ZNF423: variants seen among roughly 807,000 people sequenced by gnomAD.
ZNF423 encodes the protein Ebf-associated zinc finger protein.
A neutral mutation model predicts 95.8 loss-of-function variants in ZNF423; 12 were observed. The ratio of observed to expected loss-of-function variants is 0.13; its 90% CI spans 0.08 to 0.20. The LOEUF (loss-of-function observed/expected upper bound fraction) is 0.20, where lower values mean the gene tolerates loss of function less well. Ranked by LOEUF, ZNF423 falls within the 10% of genes least tolerant of loss-of-function variation. The pLI is 1.00. For synonymous variants in ZNF423, 749 were observed against 711.9 expected, an observed-to-expected ratio of 1.05 and a Z score of -0.83; for missense variants, 1,316 against 1,737.1, an observed-to-expected ratio of 0.76 and a Z score of 4.31.
intron 5 of ZNF423, among the ~76,000 whole-genome samples, chr16:49,616,278 T>A (rs142580800): frequency 1.3e-5 from 2 of 152,192 alleles, no homozygotes; most frequent in East Asian, 3.9e-4. Flanking sequence ...TTAAAACAAC[T>A]GAACTCATGG....
At position 49,853,539 on chromosome 16, in the gene ZNF423, C is replaced by G. The variant is rs151208615; in HGVS notation, c.40+2196G>C. On this transcript the variant is annotated intron_variant, in intron 1 of 7. Transcript: ENST00000563137. ...CTCTGACTCTGCGGACAGAAAGGCT[C>G]TGTGTGGCTGATATTTACAACACCG... 1.3e-3 allele frequency: 958 copies of G among 734,390 alleles called. 8 individuals are homozygous for G. In the African/African-American group the frequency reaches 0.017, roughly 13 times the overall value. 45.5% of individuals were successfully genotyped at this position (734,390 alleles called of 1,614,324 possible). A position where few individuals can be genotyped will look rare whatever the true frequency, so the allele number is the denominator to read the frequency against.
At chr16:49,734,303 C>A (rs1212584735) in intron 2 of ZNF423, among the ~76,000 whole-genome samples, 1 of 152,250 alleles carries the variant, frequency 6.6e-6, no homozygotes, top group African/African-American at 2.4e-5. Context: ...TGTCCTGAGT[C>A]TGGACATCAC....
chr16:49,516,683 C>T (rs1968158303), intron 7 of ZNF423, among the ~76,000 whole-genome samples: 2 of 152,246 alleles, frequency 1.3e-5, no homozygotes, highest in African/African-American at 4.8e-5. Context: ...AGTTTTCCCG[C>T]ATACTGCAAA....
At chr16:49,538,101 A>G (rs1313308333) in intron 5 of ZNF423, among the ~76,000 whole-genome samples, 1 of 152,196 alleles carries the variant, frequency 6.6e-6, no homozygotes, top group Non-Finnish European at 1.5e-5. Flanking sequence ...GAGCTTACTG[A>G]CAGCTCCTGA....
intron 3 of ZNF423, among the ~76,000 whole-genome samples, chr16:49,721,568 C>T (rs1252317131): frequency 2.0e-5 from 3 of 152,126 alleles, no homozygotes; most frequent in Non-Finnish European, 2.9e-5. Context: ...CAGCCCACCT[C>T]GCTCCCCAAG....
At chr16:49,699,861 CT>C (rs2032108781) in intron 3 of ZNF423, among the ~76,000 whole-genome samples, 1 of 152,152 alleles carries the variant, frequency 6.6e-6, no homozygotes, top group Non-Finnish European at 1.5e-5. Flanking sequence ...CCCACTGACC[CT>C]GAGGCCAAGT....
chr16:49,732,767 T>C (rs745358155), intron 2 of ZNF423, among the ~76,000 whole-genome samples: 1 of 152,228 alleles, frequency 6.6e-6, no homozygotes, highest in African/African-American at 2.4e-5. Flanking sequence ...CTATTTCTCC[T>C]GTCTGCACAG....
chr16:49,523,266 C>T (rs980157742), intron 7 of ZNF423, among the ~76,000 whole-genome samples: 3 of 152,214 alleles, frequency 2.0e-5, no homozygotes, highest in African/African-American at 7.2e-5. Context: ...AGGACCCAGC[C>T]ACAAAGACAT....
At chr16:49,849,769 T>C (rs750404117) in intron 1 of ZNF423, among the ~76,000 whole-genome samples, 10 of 152,190 alleles carry the variant, frequency 6.6e-5, no homozygotes, top group Non-Finnish European at 1.0e-4. Flanking sequence ...ATGAAAGACA[T>C]TGTTACCTCC....
chr16:49,499,660 C>T (rs1379386272), intron 7 of ZNF423, among the ~76,000 whole-genome samples: 1 of 152,140 alleles, frequency 6.6e-6, no homozygotes, highest in Admixed American at 6.5e-5. Context: ...TTCCGTGAAC[C>T]CCCTCTTGCC....
At chr16:49,729,175 A>G (rs1262009453) in intron 3 of ZNF423, among the ~76,000 whole-genome samples, 1 of 152,222 alleles carries the variant, frequency 6.6e-6, no homozygotes, top group Non-Finnish European at 1.5e-5. Context: ...TGCTCTAACA[A>G]CTACACAGAA....
chr16:49,612,492 A>C (rs1310223285), intron 5 of ZNF423, among the ~76,000 whole-genome samples: 1 of 152,056 alleles, frequency 6.6e-6, no homozygotes, highest in Admixed American at 6.6e-5. Context: ...CAAACAAACA[A>C]ACAAAAAATG....
At chr16:49,679,833 A>G (rs1290011624) in intron 3 of ZNF423, among the ~76,000 whole-genome samples, 1 of 152,228 alleles carries the variant, frequency 6.6e-6, no homozygotes, top group East Asian at 1.9e-4. Context: ...GCCCAGAGTG[A>G]GAACTTATGG....
intron 5 of ZNF423, among the ~76,000 whole-genome samples, chr16:49,614,438 A>C (rs571001460): frequency 3.6e-4 from 54 of 152,110 alleles, no homozygotes; most frequent in African/African-American, 1.3e-3. Context: ...TAGCAATTGC[A>C]CTCTTGGGAA....
At chr16:49,836,033 G>A (rs369472136) in intron 1 of ZNF423, among the ~76,000 whole-genome samples, 16 of 152,210 alleles carry the variant, frequency 1.1e-4, no homozygotes, top group Admixed American at 6.5e-4. Context: ...CACCTACCCC[G>A]ACAACCACAG....
intron 3 of ZNF423, among the ~76,000 whole-genome samples, chr16:49,661,807 G>A (rs2030244805): frequency 6.6e-6 from 1 of 152,190 alleles, no homozygotes; most frequent in Non-Finnish European, 1.5e-5. Flanking sequence ...TGGAGCCAGA[G>A]AGCCTCCGTT....
At chr16:49,824,196 A>G (rs2034980596) in intron 1 of ZNF423, among the ~76,000 whole-genome samples, 1 of 152,086 alleles carries the variant, frequency 6.6e-6, no homozygotes, top group Non-Finnish European at 1.5e-5. Flanking sequence ...CTTCTAAGCT[A>G]CCCAAGAGAC....
intron 5 of ZNF423, among the ~76,000 whole-genome samples, chr16:49,600,629 G>A (rs949706768): frequency 1.1e-4 from 16 of 152,216 alleles, no homozygotes; most frequent in South Asian, 2.1e-4. Context: ...GGAACCATGC[G>A]CCATGGCCTC....
Position 49,637,061 on chromosome 16 carries a change from G to A in ZNF423, c.2115C>T (p.Cys705=), listed in dbSNP as rs141743740. 203 of 1,613,802 alleles carry A rather than the reference G, an allele frequency of 1.3e-4. 1 individual carries two copies. Among genetic ancestry groups the A allele is most frequent in the South Asian group, 7.0e-4 (64 of 91,072 alleles). ...CATCCACCGAGGAAAATTGCTTGTC[G>A]CAGCTCTCGCACACATAGTGGGTCG... is the stretch of plus-strand genomic sequence containing the variant. ...TTSTHYVCES[C]DKQFSSVDDL... Residue 705 remains cysteine (C), a synonymous_variant, in exon 4 of 8, where the codon TGC becomes TGT. Coordinates refer to ENST00000563137, the MANE Select transcript of ZNF423 (RefSeq NM_001379286.1). The surrounding 1 kb of genome is among the most constrained non-coding windows in gnomAD (Gnocchi z 5.6).
Sources: gnomAD v4.1 joint callset for allele counts (sites outside exome capture counted in the v4.1 genomes callset) on GRCh38, gnomAD v4.1.1 for gene constraint, Gnocchi (gnomAD v3.1) non-coding constraint, MANE v1.5 for transcripts, NCBI Gene and HGNC (gene_info 2026-07-23, HGNC 2026-07-21) for gene names.